TPX2: variants seen among roughly 807,000 people sequenced by gnomAD.
TPX2 encodes TPX2 microtubule nucleation factor.
Under a neutral mutation model 93.6 loss-of-function variants are expected in TPX2, and 21 were observed. That is an observed-to-expected ratio of 0.22 (90% CI 0.16 to 0.32). TPX2 has a LOEUF of 0.32. Among genes scored for constraint, TPX2 ranks in the 10% least tolerant of loss-of-function variants. The pLI is 1.00. For synonymous variants in TPX2, 281 were observed against 298.3 expected, an observed-to-expected ratio of 0.94 and a Z score of 0.60; for missense variants, 776 against 871.1, an observed-to-expected ratio of 0.89 and a Z score of 1.37.
intron 1 of TPX2, among the ~76,000 whole-genome samples, chr20:31,740,913 C>T (rs1186882968): frequency 6.6e-6 from 1 of 152,156 alleles, no homozygotes; most frequent in Non-Finnish European, 1.5e-5. Context: ...TCTGAATTGA[C>T]TACAAAATTG....
intron 7 of TPX2, among the ~76,000 whole-genome samples, chr20:31,772,311 G>C (rs564467159): frequency 6.6e-6 from 1 of 152,150 alleles, no homozygotes; most frequent in African/African-American, 2.4e-5. Context: ...GTGAGCCACT[G>C]TGCCCAGCCT....
chr20:31,789,596 C>T (rs2062087698), intron 12 of TPX2, among the ~76,000 whole-genome samples: 3 of 151,504 alleles, frequency 2.0e-5, no homozygotes, highest in East Asian at 1.9e-4. Flanking sequence ...ATTTAAAAAA[C>T]TTAAAATAGC....
intron 2 of TPX2, among the ~76,000 whole-genome samples, chr20:31,743,725 A>AG (rs1366315051): frequency 7.6e-5 from 9 of 118,760 alleles, no homozygotes; most frequent in African/African-American, 3.8e-4. Flanking sequence ...GTACAGATGC[A>AG]GTTTTTTTTT....
intron 7 of TPX2, among the ~76,000 whole-genome samples, chr20:31,773,086 C>T (rs1300259951): frequency 6.7e-6 from 1 of 148,320 alleles, no homozygotes; most frequent in Non-Finnish European, 1.5e-5. Flanking sequence ...AAGTGATTCT[C>T]CTACCTCAGC....
intron 2 of TPX2, among the ~76,000 whole-genome samples, chr20:31,751,363 G>A (rs114846008): frequency 6.6e-6 from 1 of 152,066 alleles, no homozygotes; most frequent in African/African-American, 2.4e-5. Context: ...CCTGAGTTAG[G>A]CATTAAGATC....
chr20:31,768,980 A>G (rs951345730), intron 5 of TPX2, among the ~76,000 whole-genome samples: 1 of 152,204 alleles, frequency 6.6e-6, no homozygotes, highest in African/African-American at 2.4e-5. Context: ...CCCTACAATG[A>G]ATATTATACA....
intron 2 of TPX2, among the ~76,000 whole-genome samples, chr20:31,742,953 G>A (rs1439827076): frequency 6.6e-6 from 1 of 152,148 alleles, no homozygotes; most frequent in Non-Finnish European, 1.5e-5. Flanking sequence ...TGTGGCTTAT[G>A]TCTGTAATCC....
intron 3 of TPX2, 39 bp downstream of exon 3, chr20:31,757,621 G>A (rs1444080142): frequency 6.4e-7 from 1 of 1,552,506 alleles, no homozygotes; most frequent in East Asian, 2.2e-5. Flanking sequence ...AAGGATTAGT[G>A]GCTTGCTTTG....
intron 12 of TPX2, among the ~76,000 whole-genome samples, chr20:31,791,508 T>C (rs1268094980): frequency 6.6e-6 from 1 of 152,144 alleles, no homozygotes; most frequent in Non-Finnish European, 1.5e-5. Flanking sequence ...ATAGTCTCGA[T>C]CTCCTGACCT....
chr20:31,792,820 A>G lies in TPX2; in HGVS notation c.1499A>G (p.Lys500Arg), dbSNP rs1313369697. 1.2e-6 allele frequency: 2 copies of G among 1,613,966 alleles called. No homozygotes were observed. The highest frequency in any genetic ancestry group is 2.7e-5 in the African/African-American group (2 of 74,896). The part of the protein sequence containing the change: ...ALKNRIRMPT[K>R]EDEEEDEPVV... The stretch of plus-strand genomic sequence containing the variant: ...AAGAACAGAATTCGAATGCCCACCA[A>G]AGAAGATGAGGTGATTCCCTGGGAG... Residue 500 changes from lysine (K) to arginine (R), a missense_variant, in exon 13 of 18, where the codon AAA becomes AGA. Transcript: ENST00000300403.
intron 5 of TPX2, among the ~76,000 whole-genome samples, chr20:31,768,751 A>G (rs1045227601): frequency 2.6e-5 from 4 of 152,238 alleles, no homozygotes; most frequent in African/African-American, 9.6e-5. Context: ...CAATTAGTAA[A>G]GAATTGACAA....
At chr20:31,750,455 TTTATTTA>T (rs1423747200) in intron 2 of TPX2, among the ~76,000 whole-genome samples, 2 of 66,820 alleles carry the variant, frequency 3.0e-5, no homozygotes, top group East Asian at 2.2e-4. Context: ...TGCCCGGCTA[TTTATTTA>T]TTTATTTATT....
chr20:31,751,675 A>G (rs578178466), intron 2 of TPX2, among the ~76,000 whole-genome samples: 2 of 152,284 alleles, frequency 1.3e-5, no homozygotes, highest in Admixed American at 6.5e-5. Context: ...GGCATTCTGG[A>G]CTTCTGTTAG....
At chr20:31,749,014 C>T (rs1257854892) in intron 2 of TPX2, among the ~76,000 whole-genome samples, 4 of 150,214 alleles carry the variant, frequency 2.7e-5, no homozygotes, top group African/African-American at 7.4e-5. Context: ...GGCGCGATCT[C>T]GGCTCACTGC....
intron 3 of TPX2, among the ~76,000 whole-genome samples, chr20:31,758,196 CACTGTA>C (rs981977702): frequency 6.6e-6 from 1 of 150,504 alleles, no homozygotes; most frequent in Admixed American, 6.7e-5. Flanking sequence ...AATCTCAGCT[CACTGTA>C]ACCTCCGCCA....
chr20:31,776,987 G>GA (rs1312812511), intron 8 of TPX2, among the ~76,000 whole-genome samples: 9 of 152,282 alleles, frequency 5.9e-5, no homozygotes, highest in Non-Finnish European at 7.4e-5. Flanking sequence ...ACCTGTGGAG[G>GA]AAAAATATGA....
chr20:31,793,728 ACTTC>A, intron 13 of TPX2, 116 bp from the exon 14 acceptor site: 1 of 981,284 alleles, frequency 1.0e-6, no homozygotes, highest in Non-Finnish European at 1.4e-6. Flanking sequence ...GGAAGCTAAG[ACTTC>A]CTTTAATTTT....
intron 1 of TPX2, among the ~76,000 whole-genome samples, chr20:31,740,674 CAG>C (rs2061748349): frequency 6.6e-6 from 1 of 152,188 alleles, no homozygotes; most frequent in African/African-American, 2.4e-5. Flanking sequence ...AAGTGAGAAT[CAG>C]AGCAAGATAG....
At chr20:31,749,351 A>ATT (rs1193191266) in intron 2 of TPX2, among the ~76,000 whole-genome samples, 4 of 152,230 alleles carry the variant, frequency 2.6e-5, no homozygotes, top group Non-Finnish European at 5.9e-5. Context: ...ATGACTGTGA[A>ATT]TAAGTAGTAA....
Sources: gnomAD v4.1 joint callset for allele counts (sites outside exome capture counted in the v4.1 genomes callset) on GRCh38, gnomAD v4.1.1 for gene constraint, MANE v1.5 for transcripts, NCBI Gene and HGNC (gene_info 2026-07-23, HGNC 2026-07-21) for gene names.